The following SOX5 variants were observed in gnomAD, a reference collection of about 807,000 sequenced individuals.
The protein encoded by SOX5 is transcription factor SOX-5.
Under a neutral mutation model 92.0 loss-of-function variants are expected in SOX5, and 9 were observed. The ratio of observed to expected loss-of-function variants is 0.10; its 90% CI spans 0.06 to 0.17. The LOEUF (loss-of-function observed/expected upper bound fraction) is 0.17, where lower values mean the gene tolerates loss of function less well. Ranked by LOEUF, SOX5 falls within the 10% of genes least tolerant of loss-of-function variation. The pLI is 1.00. For missense variants in SOX5, 642 were observed against 944.5 expected (o/e 0.68, Z 4.20); for synonymous variants, 344 against 336.3 (o/e 1.02, Z -0.25).
At chr12:23,760,954 A>G (rs1279218515) in intron 3 of SOX5, among the ~76,000 whole-genome samples, 2 of 152,148 alleles carry the variant, frequency 1.3e-5, no homozygotes, top group African/African-American at 2.4e-5. Flanking sequence ...TACGCTATGT[A>G]TGATATTTGA....
At chr12:24,325,974 A>G (rs1950642858) in intron 2 of SOX5, among the ~76,000 whole-genome samples, 1 of 152,220 alleles carries the variant, frequency 6.6e-6, no homozygotes, top group Non-Finnish European at 1.5e-5. Context: ...GACTTGTTAG[A>G]AAAACTTTAA....
intron 1 of SOX5, among the ~76,000 whole-genome samples, chr12:23,947,550 CA>C (rs1425945534): frequency 4.0e-5 from 6 of 151,716 alleles, no homozygotes; most frequent in Non-Finnish European, 8.9e-5. Flanking sequence ...ATTACAACCA[CA>C]GGGGAAATTA....
intron 4 of SOX5, among the ~76,000 whole-genome samples, chr12:24,120,047 C>A (rs1948455001): frequency 6.6e-6 from 1 of 152,056 alleles, no homozygotes; most frequent in South Asian, 2.1e-4. Context: ...AAGAATAAAC[C>A]ACTATTTATG....
intron 8 of SOX5, among the ~76,000 whole-genome samples, chr12:23,616,928 T>C (rs2076625154): frequency 6.6e-6 from 1 of 152,088 alleles, no homozygotes; most frequent in East Asian, 1.9e-4. Context: ...GAGACGAGCC[T>C]GGGCAACATA....
At chr12:24,266,514 A>C (rs1332042983) in intron 3 of SOX5, among the ~76,000 whole-genome samples, 4 of 152,186 alleles carry the variant, frequency 2.6e-5, no homozygotes, top group African/African-American at 9.7e-5. Context: ...TGGCATTTTT[A>C]ATCTTCACCA....
intron 13 of SOX5, among the ~76,000 whole-genome samples, chr12:23,540,745 T>C (rs1015933715): frequency 6.6e-6 from 1 of 152,240 alleles, no homozygotes; most frequent in Non-Finnish European, 1.5e-5. Flanking sequence ...TTTTAGGGTA[T>C]TATAAAATGC....
At chr12:23,800,629 C>A (rs746387550) in intron 3 of SOX5, among the ~76,000 whole-genome samples, 2 of 151,842 alleles carry the variant, frequency 1.3e-5, no homozygotes, top group Admixed American at 1.3e-4. Context: ...AGATGAGGAA[C>A]AGAAAATTTT....
intron 6 of SOX5, among the ~76,000 whole-genome samples, chr12:23,692,700 T>C (rs564905087): frequency 3.3e-5 from 5 of 152,328 alleles, no homozygotes; most frequent in South Asian, 2.1e-4. Flanking sequence ...ATATTCGGTA[T>C]TTTTAATAAC....
At chr12:24,313,883 C>T (rs1465483562) in intron 2 of SOX5, among the ~76,000 whole-genome samples, 1 of 152,158 alleles carries the variant, frequency 6.6e-6, no homozygotes, top group Non-Finnish European at 1.5e-5. Flanking sequence ...ATTCTTTACC[C>T]TCAAACCTTT....
intron 4 of SOX5, among the ~76,000 whole-genome samples, chr12:24,000,019 A>G (rs1346889651): frequency 2.4e-4 from 36 of 151,806 alleles, no homozygotes; most frequent in Admixed American, 2.4e-3. Flanking sequence ...AGATAATTAC[A>G]TAAAATAATT....
intron 2 of SOX5, among the ~76,000 whole-genome samples, chr12:24,305,016 G>A (rs906710525): frequency 2.0e-5 from 3 of 152,298 alleles, no homozygotes; most frequent in Admixed American, 1.3e-4. Context: ...TCCTGAAGAA[G>A]ATGCTGGAAG....
intron 3 of SOX5, among the ~76,000 whole-genome samples, chr12:24,218,394 T>C (rs1170684331): frequency 6.6e-6 from 1 of 152,206 alleles, no homozygotes; most frequent in Non-Finnish European, 1.5e-5. Flanking sequence ...ATATATTGTA[T>C]AATTCTAAGT....
chr12:23,936,952 A>C (rs776038996), intron 1 of SOX5, among the ~76,000 whole-genome samples: 1 of 150,926 alleles, frequency 6.6e-6, no homozygotes, highest in Admixed American at 6.6e-5. Flanking sequence ...ATGATATGTG[A>C]GTAGTAGCTA....
At chr12:24,198,049 C>T (rs1228877221) in intron 4 of SOX5, among the ~76,000 whole-genome samples, 2 of 152,264 alleles carry the variant, frequency 1.3e-5, no homozygotes, top group African/African-American at 4.8e-5. Flanking sequence ...CCATCTAACA[C>T]ACATAAAACA....
intron 6 of SOX5, among the ~76,000 whole-genome samples, chr12:23,676,576 C>CA (rs11408584): frequency 0.8 from 122,154 of 152,094 alleles, 49,254 homozygotes; most frequent in East Asian, 0.92. Context: ...TGCTGTGAAA[C>CA]AGCGAAGCTA....
At chr12:23,957,868 T>C (rs977930188) in intron 4 of SOX5, among the ~76,000 whole-genome samples, 7 of 152,248 alleles carry the variant, frequency 4.6e-5, no homozygotes, top group Admixed American at 3.9e-4. Flanking sequence ...AATCTTAATG[T>C]ATAAACTGCA....
intron 8 of SOX5, among the ~76,000 whole-genome samples, chr12:23,613,667 T>G (rs1029666574): frequency 1.3e-5 from 2 of 152,136 alleles, no homozygotes; most frequent in Non-Finnish European, 2.9e-5. Context: ...ACACAATGAA[T>G]TATTATTCAG....
intron 2 of SOX5, among the ~76,000 whole-genome samples, chr12:24,314,043 T>C (rs1184894865): frequency 1.3e-5 from 2 of 152,188 alleles, no homozygotes; most frequent in Admixed American, 1.3e-4. Context: ...CACTAAGTCA[T>C]GGTTTTGACC....
intron 4 of SOX5, among the ~76,000 whole-genome samples, chr12:24,105,954 TC>T: frequency 6.6e-6 from 1 of 152,202 alleles, no homozygotes; most frequent in South Asian, 2.1e-4. Flanking sequence ...CTTTAGAATA[TC>T]TTCCTTACAA....
Sources: allele counts gnomAD v4.1 joint callset (sites outside exome capture counted in the v4.1 genomes callset), GRCh38; gene constraint gnomAD v4.1.1; transcripts MANE v1.5; gene names NCBI Gene and HGNC (gene_info 2026-07-23, HGNC 2026-07-21).